CELF4: variants seen among roughly 807,000 people sequenced by gnomAD.
CELF4 encodes CUG-BP- and ETR-3-like factor 4.
In CELF4, 18 loss-of-function variants were observed where a neutral mutation model predicts 59.9. That is an observed-to-expected ratio of 0.30 (90% confidence interval 0.21 to 0.45). CELF4 has a LOEUF of 0.45. CELF4 is among the 20% of genes least tolerant of loss of function. The pLI is 1.00. For missense variants in CELF4, 456 were observed against 689.0 expected (o/e 0.66, Z 3.79); for synonymous variants, 261 against 267.1 (o/e 0.98, Z 0.22).
At chr18:37,485,655 G>C (rs1160906389) in intron 1 of CELF4, 48 bp from the exon 2 acceptor site, 1 of 1,246,410 alleles carries the variant, frequency 8.0e-7, no homozygotes, top group South Asian at 2.2e-5. Flanking sequence ...GCGCCCCCGG[G>C]CCCGCCGACG....
At chr18:37,301,952 C>G (rs2096073724) in intron 3 of CELF4, among the ~76,000 whole-genome samples, 2 of 152,198 alleles carry the variant, frequency 1.3e-5, no homozygotes, top group Non-Finnish European at 2.9e-5. Flanking sequence ...CTCACCACCA[C>G]TGTCCAGACC....
At chr18:37,561,623 T>C (rs778305738) in intron 1 of CELF4, among the ~76,000 whole-genome samples, 16 of 152,184 alleles carry the variant, frequency 1.1e-4, no homozygotes, top group Non-Finnish European at 1.9e-4. Flanking sequence ...TTAACAAGCA[T>C]GGGTATGTGT....
intron 2 of CELF4, among the ~76,000 whole-genome samples, chr18:37,364,183 G>A (rs139497790): frequency 1.6e-4 from 24 of 152,264 alleles, no homozygotes; most frequent in Admixed American, 5.2e-4. Flanking sequence ...AGCAGTCAGT[G>A]GGTGCATGTG....
At chr18:37,350,186 C>T (rs1157354675) in intron 2 of CELF4, among the ~76,000 whole-genome samples, 1 of 152,120 alleles carries the variant, frequency 6.6e-6, no homozygotes, top group African/African-American at 2.4e-5. Context: ...AACAGAGCCC[C>T]ATTCTCCTCT....
At position 37,353,233 on chromosome 18, in the gene CELF4, A is replaced by AAAAATATATATATAT. The variant is rs71168258; in HGVS notation, c.370-31353_370-31352insATATATATATATTTT. Among the ~76,000 whole-genome samples, 44 of 106,946 alleles carry AAAAATATATATATAT rather than the reference A, an allele frequency of 4.1e-4. 1 individual carries two copies. In the East Asian group the frequency reaches 6.5e-3, roughly 16 times the overall value. The allele number at this position is 106,946 out of a possible 152,430, so 70.2% of individuals were successfully genotyped here. ...GAGACTCCGTCTCAAAAAAAAAAAAAATATATATATATATATACATAAAAG... is the reference window on the plus strand; with the variant it reads ...GAGACTCCGTCTCAAAAAAAAAAAAAAAAATATATATATATATATATATATATATATACATAAAAG... On this transcript the variant is annotated intron_variant, in intron 2 of 12. Transcript: ENST00000420428.
At chr18:37,369,201 A>T (rs1330383433) in intron 2 of CELF4, among the ~76,000 whole-genome samples, 1 of 152,154 alleles carries the variant, frequency 6.6e-6, no homozygotes, top group Admixed American at 6.5e-5. Context: ...CAACACCCGA[A>T]CATGTAAACC....
At chr18:37,484,231 C>T (rs553254600) in intron 2 of CELF4, among the ~76,000 whole-genome samples, 2 of 152,346 alleles carry the variant, frequency 1.3e-5, no homozygotes, top group South Asian at 4.1e-4. Flanking sequence ...TCAGCACAAA[C>T]CTTTCTCAGA....
chr18:37,274,569 G>A (rs937745372), intron 5 of CELF4, 115 bp from the exon 6 acceptor site: 9 of 1,583,768 alleles, frequency 5.7e-6, no homozygotes, highest in African/African-American at 2.7e-5. Context: ...GGAGGAGGCG[G>A]CATCGGCGCT....
intron 1 of CELF4, among the ~76,000 whole-genome samples, chr18:37,499,648 C>T (rs556406938): frequency 6.6e-6 from 1 of 152,346 alleles, no homozygotes; most frequent in East Asian, 1.9e-4. Context: ...CTTGTCTGCC[C>T]TACTCCTGGC....
At chr18:37,426,485 C>T (rs1053803699) in intron 2 of CELF4, among the ~76,000 whole-genome samples, 1 of 152,204 alleles carries the variant, frequency 6.6e-6, no homozygotes, top group Non-Finnish European at 1.5e-5. Context: ...CAATGACCAC[C>T]CAGGGGCTGA....
chr18:37,450,314 T>G (rs1461971612), intron 2 of CELF4, among the ~76,000 whole-genome samples: 1 of 151,844 alleles, frequency 6.6e-6, no homozygotes, highest in Non-Finnish European at 1.5e-5. Flanking sequence ...GCGTTCTCTC[T>G]CGCCCTCTCT....
intron 1 of CELF4, among the ~76,000 whole-genome samples, chr18:37,560,368 C>T (rs371023291): frequency 2.0e-5 from 3 of 152,194 alleles, no homozygotes; most frequent in Non-Finnish European, 4.4e-5. Flanking sequence ...ATAAGCAAAT[C>T]ATTTCCCAAT....
intron 1 of CELF4, among the ~76,000 whole-genome samples, chr18:37,515,559 T>A (rs982530145): frequency 6.6e-6 from 1 of 152,186 alleles, no homozygotes; most frequent in Non-Finnish European, 1.5e-5. Flanking sequence ...GGAGGTTGCA[T>A]CAAGACCGTA....
At chr18:37,333,722 CTCCATCCA>C (rs35996325) in intron 2 of CELF4, among the ~76,000 whole-genome samples, 6 of 146,670 alleles carry the variant, frequency 4.1e-5, no homozygotes, top group East Asian at 2.1e-4. Context: ...GGGCCACAAA[CTCCATCCA>C]TCCATCCATC....
chr18:37,484,070 G>A (rs1603642356), intron 2 of CELF4, among the ~76,000 whole-genome samples: 1 of 151,836 alleles, frequency 6.6e-6, no homozygotes, highest in African/African-American at 2.4e-5. Context: ...TTCTGATTCC[G>A]GCTTTTAGCC....
chr18:37,359,453 C>G (rs569657070), intron 2 of CELF4, among the ~76,000 whole-genome samples: 1 of 152,046 alleles, frequency 6.6e-6, no homozygotes, highest in East Asian at 2.0e-4. Context: ...ATGATCCTCC[C>G]TCCACAGCCT....
intron 2 of CELF4, among the ~76,000 whole-genome samples, chr18:37,462,511 C>A (rs2099796465): frequency 6.6e-6 from 1 of 152,232 alleles, no homozygotes; most frequent in African/African-American, 2.4e-5. Flanking sequence ...GCCAGCTAGG[C>A]AGGCTCCTAG....
At chr18:37,494,419 T>C (rs2099922549) in intron 1 of CELF4, among the ~76,000 whole-genome samples, 1 of 152,212 alleles carries the variant, frequency 6.6e-6, no homozygotes, top group Non-Finnish European at 1.5e-5. Flanking sequence ...AAGTGAAGCC[T>C]GCTCAGCTGA....
chr18:37,431,828 C>T (rs1173184362), intron 2 of CELF4, among the ~76,000 whole-genome samples: 5 of 152,318 alleles, frequency 3.3e-5, no homozygotes, highest in African/African-American at 1.2e-4. Context: ...TCTGCAAGGC[C>T]GTCTGGGCAG....
Sources: gnomAD v4.1 joint callset for allele counts (sites outside exome capture counted in the v4.1 genomes callset) on GRCh38, gnomAD v4.1.1 for gene constraint, MANE v1.5 for transcripts, NCBI Gene and HGNC (gene_info 2026-07-23, HGNC 2026-07-21) for gene names.